The following DIAPH2 variants were observed in gnomAD, a reference collection of about 807,000 sequenced individuals.
The protein encoded by DIAPH2 is protein diaphanous homolog 2.
A neutral mutation model predicts 92.7 loss-of-function variants in DIAPH2; 35 were observed. The ratio of observed to expected loss-of-function variants is 0.38; its 90% CI spans 0.29 to 0.50. The LOEUF is 0.50. DIAPH2 is among the 20% of genes least tolerant of loss of function. The probability of loss-of-function intolerance (pLI) is 0.94; values close to 1 mark genes in which losing one functional copy is unlikely to be tolerated. For synonymous variants in DIAPH2, 301 were observed against 280.4 expected (o/e 1.07, Z -0.73); for missense variants, 701 against 819.5 (o/e 0.86, Z 1.77).
At chrX:96,894,254 G>GTT (rs202232924) in intron 5 of DIAPH2, among the ~76,000 whole-genome samples, 1 of 101,474 alleles carries the variant, frequency 9.9e-6, no homozygotes, top group African/African-American at 3.6e-5. Flanking sequence ...TACTGCTACA[G>GTT]TTTTTTTTTT....
chrX:96,726,830 A>G (rs2147556404), intron 1 of DIAPH2, among the ~76,000 whole-genome samples: 1 of 112,400 alleles, frequency 8.9e-6, no homozygotes, highest in South Asian at 3.7e-4. Flanking sequence ...GTGAGGATTT[A>G]AACAAGGCAA....
intron 3 of DIAPH2, among the ~76,000 whole-genome samples, chrX:96,751,810 C>T (rs1202437518): frequency 2.1e-5 from 2 of 94,469 alleles, no homozygotes; most frequent in East Asian, 3.4e-4. Context: ...CCCGCCACTA[C>T]GCCCGGCTAA....
chrX:96,917,764 C>A (rs2065514728), intron 8 of DIAPH2, among the ~76,000 whole-genome samples: 1 of 110,307 alleles, frequency 9.1e-6, no homozygotes, highest in South Asian at 3.8e-4. Context: ...CTGGGCTTTC[C>A]TTTTTAGAGT....
chrX:97,280,270 A>C (rs575889891), intron 23 of DIAPH2, among the ~76,000 whole-genome samples: 2 of 109,975 alleles, frequency 1.8e-5, no homozygotes, highest in African/African-American at 6.6e-5. Flanking sequence ...GTCAGGAGAT[A>C]GAGAGCATCC....
At chrX:97,349,108 A>G (rs1425560811) in intron 24 of DIAPH2, among the ~76,000 whole-genome samples, 5 of 88,350 alleles carry the variant, frequency 5.7e-5, no homozygotes, top group Non-Finnish European at 1.1e-4. Flanking sequence ...ATTTTTTTTG[A>G]TATGGAATCT....
At chrX:97,059,562 A>G (rs946062788) in intron 17 of DIAPH2, among the ~76,000 whole-genome samples, 2 of 112,346 alleles carry the variant, frequency 1.8e-5, no homozygotes, top group Non-Finnish European at 3.8e-5. Flanking sequence ...TCTACTATTG[A>G]CCAAAAGTCT....
intron 25 of DIAPH2, among the ~76,000 whole-genome samples, chrX:97,416,884 G>T (rs1375618643): frequency 3.6e-5 from 4 of 112,149 alleles, no homozygotes; most frequent in African/African-American, 1.3e-4. Context: ...CTTCTTCCCT[G>T]CCCCAAGCCA....
At chrX:96,838,805 T>C (rs758999031) in intron 4 of DIAPH2, among the ~76,000 whole-genome samples, 1 of 112,211 alleles carries the variant, frequency 8.9e-6, no homozygotes, top group African/African-American at 3.2e-5. Context: ...GCAGCTGAGA[T>C]GCTGAATAAG....
At chrX:97,287,908 G>A (rs147746219) in intron 23 of DIAPH2, among the ~76,000 whole-genome samples, 865 of 80,225 alleles carry the variant, frequency 0.011, 14 homozygotes, top group African/African-American at 0.042. Context: ...AGCCAAGATC[G>A]CACCACTGCA....
chrX:97,196,572 G>A lies in DIAPH2; in HGVS notation c.2720-51143G>A, dbSNP rs1364927382. ...CATGAAATGCTTCAATTATGAGCTA[G>A]TACTGGAAGTTTGTTAAAGAAAAAA... On this transcript the variant is annotated intron_variant, in intron 22 of 26. Coordinates refer to ENST00000324765, the MANE Select transcript of DIAPH2 (RefSeq NM_006729.5). 3.6e-5 allele frequency among the ~76,000 whole-genome samples: 4 copies of A among 111,209 alleles called. No individual in the cohort carries two copies. The East Asian group carries it at 1.1e-3, about 31-fold the overall frequency.
chrX:96,963,984 A>T (rs750504500), intron 16 of DIAPH2, among the ~76,000 whole-genome samples: 6 of 111,042 alleles, frequency 5.4e-5, no homozygotes, highest in Non-Finnish European at 7.5e-5. Context: ...GATGTATGAA[A>T]ATACTTTCTT....
intron 25 of DIAPH2, among the ~76,000 whole-genome samples, chrX:97,413,206 C>A (rs1262393310): frequency 9.0e-6 from 1 of 111,419 alleles, no homozygotes; most frequent in African/African-American, 3.3e-5. Flanking sequence ...GCTTATCCAT[C>A]ATGATCAAGT....
At chrX:96,733,491 A>G (rs2064068609) in intron 1 of DIAPH2, among the ~76,000 whole-genome samples, 1 of 111,085 alleles carries the variant, frequency 9.0e-6, no homozygotes, top group Non-Finnish European at 1.9e-5. Flanking sequence ...GTAGTAGGAG[A>G]TGAGGTCAGA....
intron 25 of DIAPH2, among the ~76,000 whole-genome samples, chrX:97,396,531 G>A (rs1331212727): frequency 9.0e-6 from 1 of 110,899 alleles, no homozygotes; most frequent in Non-Finnish European, 1.9e-5. Flanking sequence ...AATTAGCTGG[G>A]TATGGTGGCG....
chrX:96,839,489 AGAAAAATGGTACATTGT>A (rs2064921681), intron 4 of DIAPH2, among the ~76,000 whole-genome samples: 3 of 111,757 alleles, frequency 2.7e-5, no homozygotes, highest in Non-Finnish European at 3.8e-5. Context: ...ATTACTTGTT[AGAAAAATGGTACATTGT>A]CATTTTTAAT....
At chrX:96,888,951 ATAGTATTCTTTCACTGTTGT>A (rs1602600373) in intron 5 of DIAPH2, among the ~76,000 whole-genome samples, 1 of 110,848 alleles carries the variant, frequency 9.0e-6, no homozygotes, top group East Asian at 2.8e-4. Context: ...GTCTATTAAA[ATAGTATTCTTTCACTGTTGT>A]TAGTATTCTT....
intron 4 of DIAPH2, among the ~76,000 whole-genome samples, chrX:96,812,242 G>A (rs1485915099): frequency 7.1e-5 from 8 of 111,919 alleles, no homozygotes; most frequent in Non-Finnish European, 1.3e-4. Context: ...TCCTGGTTTA[G>A]TCTTGGGAGG....
At chrX:97,431,034 A>T (rs1179810875) in intron 26 of DIAPH2, among the ~76,000 whole-genome samples, 9 of 112,098 alleles carry the variant, frequency 8.0e-5, no homozygotes, top group Non-Finnish European at 1.5e-4. Context: ...ACTGGACGAA[A>T]AAAAGAATGG....
intron 25 of DIAPH2, among the ~76,000 whole-genome samples, chrX:97,386,009 A>G (rs2069596151): frequency 8.9e-6 from 1 of 112,044 alleles, no homozygotes; most frequent in Non-Finnish European, 1.9e-5. Context: ...ATTAATTATA[A>G]CAATCATTAT....
Sources: allele counts gnomAD v4.1 joint callset (sites outside exome capture counted in the v4.1 genomes callset), GRCh38; gene constraint gnomAD v4.1.1; transcripts MANE v1.5; gene names NCBI Gene and HGNC (gene_info 2026-07-23, HGNC 2026-07-21).